Variants in KATNA1 observed in about 807,000 individuals in gnomAD.
The protein encoded by KATNA1 is katanin p60 ATPase-containing subunit A1.
KATNA1 carries 42 observed loss-of-function variants against 62.6 expected under a neutral mutation model. That is an observed-to-expected ratio of 0.67 (90% CI 0.52 to 0.87). KATNA1 has a LOEUF of 0.87. Ranked by LOEUF, KATNA1 falls within the 40% of genes least tolerant of loss-of-function variation. KATNA1 has a pLI of 0.00. For missense variants in KATNA1, 498 were observed against 612.5 expected (o/e 0.81, Z 1.97); for synonymous variants, 186 against 201.9 (o/e 0.92, Z 0.67).
intron 8 of KATNA1, 137 bp from the exon 9 acceptor site, chr6:149,597,778 G>A (rs1161120819): frequency 2.8e-6 from 2 of 719,598 alleles, no homozygotes; most frequent in Non-Finnish European, 4.5e-6. Context: ...TTAAGACTTA[G>A]GTTAACTGGT....
chr6:149,605,316 A>G (rs1778697298), intron 4 of KATNA1, among the ~76,000 whole-genome samples: 1 of 152,242 alleles, frequency 6.6e-6, no homozygotes, highest in African/African-American at 2.4e-5. Flanking sequence ...ACTGGCTAGC[A>G]TAAAAAAATT....
intron 10 of KATNA1, 31 bp downstream of exon 10, chr6:149,597,032 C>A: frequency 6.2e-7 from 1 of 1,606,654 alleles, no homozygotes. Flanking sequence ...TTTATGCTTA[C>A]AAAAACCTAT....
In KATNA1 at chr6:149,604,657, T is replaced by C; in HGVS notation, c.623+4A>G. 1 of 1,613,752 alleles carries C rather than the reference T, an allele frequency of 6.2e-7. No individual in the cohort carries two copies. Among genetic ancestry groups the C allele is most frequent in the Non-Finnish European group, 8.5e-7 (1 of 1,179,684 alleles). On this transcript the variant is annotated splice_donor_region_variant and intron_variant, in intron 5 of 10. Transcript: ENST00000367411. The stretch of plus-strand genomic sequence containing the variant: ...CCCAATTATTTGGTTGTGATATAAC[T>C]TACCATCGAACATTGGGATTCTGGG...
chr6:149,615,222 G>C (rs1304717576), intron 4 of KATNA1, among the ~76,000 whole-genome samples: 5 of 119,120 alleles, frequency 4.2e-5, no homozygotes, highest in Non-Finnish European at 8.6e-5. Context: ...TTTTTTTTTT[G>C]AGATGGAGTT....
intron 3 of KATNA1, among the ~76,000 whole-genome samples, chr6:149,624,845 C>T (rs972412728): frequency 6.6e-6 from 1 of 150,586 alleles, no homozygotes; most frequent in African/African-American, 2.4e-5. Flanking sequence ...CAGACAGAAG[C>T]TATGTAAAGC....
rs1179291154 is a variant in KATNA1, at chr6:149,632,760, T to C, written c.319A>G (p.Arg107Gly). ...GTTTCTTAAAAGGTTTCCACTTACCTTCGTTCAACAGGTACAGGCATGGAC... is the reference window on the plus strand; with the variant it reads ...GTTTCTTAAAAGGTTTCCACTTACCCTCGTTCAACAGGTACAGGCATGGAC... The part of the protein sequence containing the change: ...VWSMPVPVER[R>G]PSPGPRKRQS... Residue 107 changes from arginine to glycine, a missense_variant and splice_region_variant, in exon 3 of 11, where the codon AGA (arginine) becomes GGA (glycine). Arg to Gly is a moderately radical substitution (Grantham distance 125). Coordinates refer to ENST00000367411, the MANE Select transcript of KATNA1 (RefSeq NM_007044.4). The C allele has an allele frequency of 1.7e-5, 28 of 1,600,032 alleles. No individual in the cohort carries two copies. The highest frequency in any genetic ancestry group is 2.2e-5 in the Non-Finnish European group (26 of 1,176,748).
chr6:149,598,695 C>G (rs964193405), intron 7 of KATNA1, among the ~76,000 whole-genome samples: 2 of 151,998 alleles, frequency 1.3e-5, no homozygotes, highest in African/African-American at 2.4e-5. Flanking sequence ...CACTGTATTC[C>G]AGACTGGGTG....
chr6:149,612,868 C>G (rs1779011830), intron 4 of KATNA1, among the ~76,000 whole-genome samples: 1 of 152,030 alleles, frequency 6.6e-6, no homozygotes. Flanking sequence ...TGTGATCATG[C>G]AACAAACGCA....
intron 4 of KATNA1, among the ~76,000 whole-genome samples, chr6:149,617,660 C>T (rs373573067): frequency 1.3e-5 from 2 of 152,108 alleles, no homozygotes; most frequent in South Asian, 2.1e-4. Context: ...TATTGCCAGA[C>T]GAGGTGGCTC....
chr6:149,627,331 C>T (rs1021142919), intron 3 of KATNA1, among the ~76,000 whole-genome samples: 1 of 151,642 alleles, frequency 6.6e-6, no homozygotes, highest in Non-Finnish European at 1.5e-5. Flanking sequence ...GAGTTCAAGA[C>T]CAGGCGGACA....
chr6:149,635,595 G>A (rs1780037151), intron 2 of KATNA1, among the ~76,000 whole-genome samples: 1 of 152,000 alleles, frequency 6.6e-6, no homozygotes, highest in African/African-American at 2.4e-5. Flanking sequence ...TGTAATTCCA[G>A]CTACTCGGGA....
chr6:149,616,764 T>A (rs1779183189), intron 4 of KATNA1, among the ~76,000 whole-genome samples: 1 of 151,730 alleles, frequency 6.6e-6, no homozygotes, highest in Non-Finnish European at 1.5e-5. Flanking sequence ...AAAAAAAAAA[T>A]TAAAAATGGA....
At chr6:149,608,632 C>A (rs756532809) in intron 4 of KATNA1, among the ~76,000 whole-genome samples, 2 of 152,132 alleles carry the variant, frequency 1.3e-5, no homozygotes, top group Non-Finnish European at 2.9e-5. Flanking sequence ...GAATCAGAGG[C>A]TAAATAAGAA....
chr6:149,597,763 C>A, intron 8 of KATNA1, 122 bp from the exon 9 acceptor site: 7 of 873,936 alleles, frequency 8.0e-6, no homozygotes, highest in Non-Finnish European at 1.2e-5. Flanking sequence ...AGTCTTAATG[C>A]CTCCTTAAGA....
intron 1 of KATNA1, among the ~76,000 whole-genome samples, chr6:149,641,427 A>C (rs9285523): frequency 0.47 from 69,808 of 147,972 alleles, 17,375 homozygotes; most frequent in East Asian, 0.82. Flanking sequence ...CTACCCGCCT[A>C]GGCCTCCCAG....
intron 1 of KATNA1, among the ~76,000 whole-genome samples, chr6:149,645,426 G>C (rs1780447185): frequency 7.0e-6 from 1 of 143,396 alleles, no homozygotes; most frequent in South Asian, 2.1e-4. Context: ...CTGGGCGACA[G>C]AGCAAGACTC....
At position 149,648,688 on chromosome 6, in the gene KATNA1, G is replaced by T. The variant is rs1173690533; in HGVS notation, c.-233C>A. 1 of 152,246 alleles carries T rather than the reference G, an allele frequency of 6.6e-6. No individual in the cohort carries two copies. The highest frequency in any genetic ancestry group is 1.5e-5 in the Non-Finnish European group (1 of 68,092). The allele number at this position is 152,246 out of a possible 1,614,324, so 9.4% of individuals were successfully genotyped here. Reference sequence around the variant, plus strand: ...AGACAAACCCGCCAGGGTCACTTCCGGTGCCGGGGACGACCTCGGCGACTC... The same window carrying T: ...AGACAAACCCGCCAGGGTCACTTCCTGTGCCGGGGACGACCTCGGCGACTC... On this transcript the variant is annotated 5_prime_UTR_variant, in exon 1 of 11. Transcript: ENST00000367411.
At chr6:149,598,431 A>G (rs949190739) in intron 7 of KATNA1, 81 bp from the exon 8 acceptor site, 2 of 1,423,490 alleles carry the variant, frequency 1.4e-6, no homozygotes, top group Non-Finnish European at 1.9e-6. Context: ...CAATCAGAAA[A>G]TAGCTGAGGG....
intron 1 of KATNA1, among the ~76,000 whole-genome samples, chr6:149,644,906 G>A (rs1582817195): frequency 6.6e-6 from 1 of 152,130 alleles, no homozygotes; most frequent in Admixed American, 6.6e-5. Context: ...GAAACAATGT[G>A]CTTGCAGAAA....
Sources: allele counts gnomAD v4.1 joint callset (sites outside exome capture counted in the v4.1 genomes callset), GRCh38; gene constraint gnomAD v4.1.1; transcripts MANE v1.5; gene names NCBI Gene and HGNC (gene_info 2026-07-23, HGNC 2026-07-21).